ERFE: variants seen among roughly 807,000 people sequenced by gnomAD.
The protein encoded by ERFE is complement C1q tumor necrosis factor-related protein 15.
In ERFE, 25 loss-of-function variants were observed where a neutral mutation model predicts 26.6. That is an observed-to-expected ratio of 0.94 (90% CI 0.69 to 1.31). The LOEUF is 1.31. Among genes scored for constraint, ERFE ranks in the 40% most tolerant of loss-of-function variants. ERFE has a pLI of 0.00. For synonymous variants in ERFE, 206 were observed against 204.5 expected (o/e 1.01, Z -0.06); for missense variants, 447 against 440.2 (o/e 1.02, Z -0.14).
At position 238,168,333 on chromosome 2, in the gene ERFE, C is replaced by T. The variant is rs1461325027; in HGVS notation, c.*1279C>T. The stretch of plus-strand genomic sequence containing the variant: ...AGCGACCTCCAGGGCCTCCTACCTG[C>T]TGAGGAAGAGTTAACCCACTGCCTC... On this transcript the variant is annotated 3_prime_UTR_variant, in exon 8 of 8. Transcript: ENST00000546354. 2.1e-6 allele frequency: 1 copy of T among 465,704 alleles called. No homozygotes were observed. The highest frequency in any genetic ancestry group is 4.4e-6 in the Non-Finnish European group (1 of 224,756). 28.8% of individuals were successfully genotyped at this position (465,704 alleles called of 1,614,324 possible).
In ERFE at chr2:238,168,486, A is replaced by G. The variant is rs1317318169; in HGVS notation, c.*1432A>G. 16 of 470,446 alleles carry G rather than the reference A, an allele frequency of 3.4e-5. No homozygotes were observed. Among genetic ancestry groups the G allele is most frequent in the Admixed American group, 3.1e-4 (13 of 42,460 alleles). The allele number at this position is 470,446 out of a possible 1,614,324, so 29.1% of individuals were successfully genotyped here. On this transcript the variant is annotated 3_prime_UTR_variant, in exon 8 of 8. Coordinates refer to ENST00000546354, the MANE Select transcript of ERFE (RefSeq NM_001291832.2). Reference sequence around the variant, plus strand: ...AGTCACCTTCACCTTCTAACTAACTAGCCTCCGGATGAGGTGGCTGCCACC... The same window carrying G: ...AGTCACCTTCACCTTCTAACTAACTGGCCTCCGGATGAGGTGGCTGCCACC...
chr2:238,161,568 GC>G, intron 1 of ERFE, 25 bp from the exon 2 acceptor site: 1 of 1,509,114 alleles, frequency 6.6e-7, no homozygotes, highest in Admixed American at 2.0e-5. Context: ...GAGGCCAACC[GC>G]CCTGCTGGGC....
rs1692979170 is a variant in ERFE at position 238,163,797 on chromosome 2, C to T, written c.485C>T (p.Pro162Leu). ...PEPCTCGPAG[P>L]VAASLAPVSA... Reference sequence around the variant, plus strand: ...CCCTGTACGTGTGGCCCCGCCGGGCCGGTCGCTGCGAGCCTCGCCCCGGTC... The same window carrying T: ...CCCTGTACGTGTGGCCCCGCCGGGCTGGTCGCTGCGAGCCTCGCCCCGGTC... The change falls in exon 4 of 8, where the codon CCG (proline) becomes CTG (leucine). Residue 162 changes from proline (P) to leucine (L), a missense_variant. Coordinates refer to ENST00000546354, the MANE Select transcript of ERFE (RefSeq NM_001291832.2). The T allele has an allele frequency of 1.5e-6, 2 of 1,350,672 alleles. No individual in the cohort carries two copies. The highest frequency in any genetic ancestry group is 3.1e-5 in the African/African-American group (2 of 65,400). 83.7% of individuals were successfully genotyped at this position (1,350,672 alleles called of 1,614,324 possible).
intron 6 of ERFE, 27 bp downstream of exon 6, chr2:238,164,387 C>A: frequency 6.5e-7 from 1 of 1,539,760 alleles, no homozygotes; most frequent in Non-Finnish European, 8.7e-7. Flanking sequence ...CCGGACCCCA[C>A]ACCCGCATTC....
chr2:238,162,916 G>A, intron 3 of ERFE, 78 bp downstream of exon 3: 1 of 1,192,064 alleles, frequency 8.4e-7, no homozygotes, highest in Non-Finnish European at 1.2e-6. Context: ...GAGCTGACAG[G>A]GCCAACCTCA....
intron 6 of ERFE, among the ~76,000 whole-genome samples, chr2:238,165,176 G>A (rs923311231): frequency 6.6e-6 from 1 of 152,244 alleles, no homozygotes; most frequent in South Asian, 2.1e-4. Context: ...CCAGAAGGGA[G>A]CCCAGGTACA....
rs766741997 is a variant in ERFE at position 238,167,123 on chromosome 2, C to A, written c.*69C>A. 11 of 1,462,476 alleles carry A rather than the reference C, an allele frequency of 7.5e-6. No individual in the cohort carries two copies. The highest frequency in any genetic ancestry group is 1.2e-5 in the South Asian group (1 of 82,502). 90.6% of individuals were successfully genotyped at this position (1,462,476 alleles called of 1,614,324 possible). A position where few individuals can be genotyped will look rare whatever the true frequency, so the allele number is the denominator to read the frequency against. ...GATCTAGACAATGTGTGGACAGTGT[C>A]AGAGTAGCAGTGGCCACATGGAGGA... On this transcript the variant is annotated 3_prime_UTR_variant, in exon 8 of 8. Transcript: ENST00000546354.
rs1210517184 is a variant in ERFE at position 238,164,078 on chromosome 2, G to A, written c.691G>A (p.Asp231Asn). 3.5e-6 allele frequency: 5 copies of A among 1,419,188 alleles called. No individual in the cohort carries two copies. The Admixed American group carries it at 8.9e-5, about 25-fold the overall frequency. 87.9% of individuals were successfully genotyped at this position (1,419,188 alleles called of 1,614,324 possible). The change falls in exon 5 of 8, where the codon GAC becomes AAC. Residue 231 changes from aspartate (D) to asparagine (N), a missense_variant. Physicochemically the swap from Asp to Asn is conservative, Grantham distance 23. Transcript: ENST00000546354. ...LHELGVYYLP[D>N]AEGAFRRGPG... Reference sequence around the variant, plus strand: ...TGACCATCCGTGCCCCTCGCAGCCCGACGCCGAGGGTGCCTTCCGCCGCGG... The same window carrying A: ...TGACCATCCGTGCCCCTCGCAGCCCAACGCCGAGGGTGCCTTCCGCCGCGG...
rs1574771646 is a variant in ERFE at position 238,168,605 on chromosome 2, A to C, written c.*1551A>C. ...GTGCAGTAACACACAAAAACCAAAC[A>C]CTCTGCCCTGGGAAAGGCCTGGTGC... On this transcript the variant is annotated 3_prime_UTR_variant, in exon 8 of 8. Transcript: ENST00000546354. 5.3e-6 allele frequency: 2 copies of C among 380,516 alleles called. No individual in the cohort carries two copies. Among genetic ancestry groups the C allele is most frequent in the Admixed American group, 3.3e-5 (1 of 30,332 alleles). 23.6% of individuals were successfully genotyped at this position (380,516 alleles called of 1,614,324 possible). A position where few individuals can be genotyped will look rare whatever the true frequency, so the allele number is the denominator to read the frequency against.
Position 238,168,294 on chromosome 2 carries a change from A to C in ERFE, c.*1240A>C. 1 of 435,284 alleles carries C rather than the reference A, an allele frequency of 2.3e-6. No individual in the cohort carries two copies. 27.0% of individuals were successfully genotyped at this position (435,284 alleles called of 1,614,324 possible). On this transcript the variant is annotated 3_prime_UTR_variant, in exon 8 of 8. Transcript: ENST00000546354. The stretch of plus-strand genomic sequence containing the variant: ...TGTCCCAGAGTAGGTAGTGAAGAGG[A>C]CAAGGCCCTCGGCAGCGACCTCCAG...
In ERFE at chr2:238,163,745, C is replaced by G. The variant is rs141130040; in HGVS notation, c.433C>G (p.Arg145Gly). 6.9e-5 allele frequency: 93 copies of G among 1,343,568 alleles called. No homozygotes were observed. The East Asian group carries it at 2.7e-3, about 39-fold the overall frequency. The allele number at this position is 1,343,568 out of a possible 1,614,324, so 83.2% of individuals were successfully genotyped here. Residue 145 changes from arginine (R) to glycine (G), a missense_variant, in exon 4 of 8, where the codon CGG becomes GGG. Physicochemically the swap from Arg to Gly is moderately radical, Grantham distance 125 (BLOSUM62 -2). Transcript: ENST00000546354. ...EFQLLLKGAVRQRERAEPEPC... is the reference protein window; with the variant it reads ...EFQLLLKGAVGQRERAEPEPC... ...CGCTCGCTCTGTGCCAGGTGCGGTG[C>G]GGCAGCGGGAGCGCGCGGAGCCCGA...
intron 7 of ERFE, among the ~76,000 whole-genome samples, 188 bp from the exon 8 acceptor site, chr2:238,166,768 G>T (rs778578706): frequency 6.6e-6 from 1 of 152,276 alleles, no homozygotes; most frequent in Non-Finnish European, 1.5e-5. Flanking sequence ...AAGCAGAAGA[G>T]GTGCTGGGTG....
chr2:238,163,592 C>T, intron 3 of ERFE, 145 bp from the exon 4 acceptor site: 1 of 1,034,464 alleles, frequency 9.7e-7, no homozygotes, highest in Non-Finnish European at 1.2e-6. Context: ...CTCCGAGGCC[C>T]TTCAGGCCGA....
chr2:238,161,014 C>A (rs1189999756), intron 1 of ERFE, among the ~76,000 whole-genome samples: 1 of 152,254 alleles, frequency 6.6e-6, no homozygotes. Flanking sequence ...ATGAAAGTCT[C>A]ACACAGAGGC....
At position 238,164,556 on chromosome 2, in the gene ERFE, T is replaced by A; in HGVS notation, c.887+196T>A. On this transcript the variant is annotated intron_variant, in intron 6 of 7. Transcript: ENST00000546354. ...TTCCCTTCACAGCAACTGGGAGCTG[T>A]TAAAAATGACCTTTCCAGCTGGGCG... is the stretch of plus-strand genomic sequence containing the variant. 3 of 585,302 alleles carry A rather than the reference T, an allele frequency of 5.1e-6. No individual in the cohort carries two copies. In the South Asian group the frequency reaches 6.3e-5, roughly 12 times the overall value. 36.3% of individuals were successfully genotyped at this position (585,302 alleles called of 1,614,324 possible). A position where few individuals can be genotyped will look rare whatever the true frequency, so the allele number is the denominator to read the frequency against.
In ERFE at chr2:238,168,475, T is replaced by TCTAA. The variant is rs569406413; in HGVS notation, c.*1429_*1432dup. The TCTAA allele has an allele frequency of 4.2e-4, 200 of 470,774 alleles. No individual in the cohort carries two copies. Among genetic ancestry groups the TCTAA allele is most frequent in the African/African-American group, 3.5e-3 (177 of 50,156 alleles). 29.2% of individuals were successfully genotyped at this position (470,774 alleles called of 1,614,324 possible). A position where few individuals can be genotyped will look rare whatever the true frequency, so the allele number is the denominator to read the frequency against. Reference sequence around the variant, plus strand: ...GAGCAATGGCCAGTCACCTTCACCTTCTAACTAACTAGCCTCCGGATGAGG... The same window carrying TCTAA: ...GAGCAATGGCCAGTCACCTTCACCTTCTAACTAACTAACTAGCCTCCGGATGAGG... On this transcript the variant is annotated 3_prime_UTR_variant, in exon 8 of 8. Coordinates refer to ENST00000546354, the MANE Select transcript of ERFE (RefSeq NM_001291832.2).
chr2:238,165,636 C>T lies in ERFE; in HGVS notation c.918C>T (p.Ser306=). The stretch of plus-strand genomic sequence containing the variant: ...TGGAGGCCATCATGGGCCTGGAGAG[C>T]AGCAGTGAGCTCTTCACCATCTCTG... The part of the protein sequence containing the change: ...ASLEAIMGLE[S]SSELFTISVN... Residue 306 remains serine (S), a synonymous_variant, in exon 7 of 8, where the codon AGC becomes AGT. Transcript: ENST00000546354. 6.5e-7 allele frequency: 1 copy of T among 1,549,462 alleles called. No individual in the cohort carries two copies. Among genetic ancestry groups the T allele is most frequent in the Admixed American group, 2.0e-5 (1 of 50,994 alleles).
rs956372023 is a variant in ERFE at position 238,167,282 on chromosome 2, C to T, written c.*228C>T. ...GGTTGATTCAGGACACCATCTTGGG[C>T]TCTTATCCAGGAAAGAAAGAGTCGG... On this transcript the variant is annotated 3_prime_UTR_variant, in exon 8 of 8. Transcript: ENST00000546354. The T allele has an allele frequency of 3.4e-5, 24 of 701,530 alleles. No homozygotes were observed. Among genetic ancestry groups the T allele is most frequent in the Middle Eastern group, 2.3e-4 (1 of 4,378 alleles). The allele number at this position is 701,530 out of a possible 1,614,324, so 43.5% of individuals were successfully genotyped here.
At chr2:238,162,663 A>C in intron 2 of ERFE, 73 bp from the exon 3 acceptor site, 11 of 980,338 alleles carry the variant, frequency 1.1e-5, no homozygotes, top group Non-Finnish European at 1.6e-5. Flanking sequence ...CTTAGTGGCA[A>C]GAGCTTGCAC....
Sources: allele counts gnomAD v4.1 joint callset (sites outside exome capture counted in the v4.1 genomes callset), GRCh38; gene constraint gnomAD v4.1.1; transcripts MANE v1.5; gene names NCBI Gene and HGNC (gene_info 2026-07-23, HGNC 2026-07-21).